Variants in KIF6 observed in about 807,000 individuals in gnomAD.
KIF6 encodes the protein kinesin family member 6, also known as kinesin-like protein KIF6.
KIF6 carries 106 observed loss-of-function variants against 112.7 expected under a neutral mutation model. That is an observed-to-expected ratio of 0.94 (90% CI 0.80 to 1.11). The LOEUF (loss-of-function observed/expected upper bound fraction) is 1.11, where lower values mean the gene tolerates loss of function less well. Ranked by LOEUF, KIF6 falls within the 50% of genes least tolerant of loss-of-function variation. The probability of loss-of-function intolerance (pLI) is 0.00; values close to 1 mark genes in which losing one functional copy is unlikely to be tolerated. For missense variants in KIF6, 929 were observed against 964.0 expected, an observed-to-expected ratio of 0.96 and a Z score of 0.48; for synonymous variants, 339 against 339.9, an observed-to-expected ratio of 1.00 and a Z score of 0.03.
chr6:39,678,823 C>T (rs933182970), intron 3 of KIF6, among the ~76,000 whole-genome samples: 1 of 152,136 alleles, frequency 6.6e-6, no homozygotes, highest in South Asian at 2.1e-4. Context: ...TGAAACTATT[C>T]AAGCTTCTAT....
chr6:39,627,627 T>C (rs993576418), intron 5 of KIF6, among the ~76,000 whole-genome samples: 2 of 152,184 alleles, frequency 1.3e-5, no homozygotes, highest in Non-Finnish European at 2.9e-5. Flanking sequence ...GACTTAAATT[T>C]AACATTTGGT....
intron 3 of KIF6, among the ~76,000 whole-genome samples, chr6:39,704,662 T>G (rs1316595508): frequency 6.6e-6 from 1 of 152,076 alleles, no homozygotes; most frequent in East Asian, 1.9e-4. Flanking sequence ...ATGAAATAAC[T>G]TGCCCAAGGA....
At chr6:39,677,606 T>C (rs1787232888) in intron 3 of KIF6, among the ~76,000 whole-genome samples, 2 of 147,184 alleles carry the variant, frequency 1.4e-5, no homozygotes, top group South Asian at 4.3e-4. Context: ...TATGTATACA[T>C]GTGCCATGCT....
Position 39,331,599 on chromosome 6 carries a change from G to T in KIF6, c.*4933C>A, listed in dbSNP as rs1230059630. The T allele has an allele frequency of 6.6e-6, 1 of 152,074 alleles. No homozygotes were observed. The highest frequency in any genetic ancestry group is 1.5e-5 in the Non-Finnish European group (1 of 68,024). 9.4% of individuals were successfully genotyped at this position (152,074 alleles called of 1,614,324 possible). On this transcript the variant is annotated 3_prime_UTR_variant, in exon 23 of 23. Transcript: ENST00000287152. Reference sequence around the variant, plus strand: ...GGGGTTTCGCCATGTTGGCCAGGTTGGTCTCAAACTCCTGACCTCGTGATC... The same window carrying T: ...GGGGTTTCGCCATGTTGGCCAGGTTTGTCTCAAACTCCTGACCTCGTGATC...
chr6:39,545,493 A>C, intron 11 of KIF6, 90 bp downstream of exon 11: 1 of 802,152 alleles, frequency 1.2e-6, no homozygotes, highest in Middle Eastern at 2.3e-4. Flanking sequence ...GCTGGATCCT[A>C]ACCTTCCAAG....
At chr6:39,373,074 G>A (rs1766148967) in intron 16 of KIF6, among the ~76,000 whole-genome samples, 1 of 152,196 alleles carries the variant, frequency 6.6e-6, no homozygotes, top group Non-Finnish European at 1.5e-5. Flanking sequence ...AGGACAGATA[G>A]AGGGGCCAGC....
At chr6:39,501,870 A>C (rs1776153323) in intron 13 of KIF6, among the ~76,000 whole-genome samples, 1 of 152,176 alleles carries the variant, frequency 6.6e-6, no homozygotes, top group Non-Finnish European at 1.5e-5. Flanking sequence ...TGATATACCT[A>C]AAAGAGACAG....
intron 5 of KIF6, among the ~76,000 whole-genome samples, chr6:39,616,732 C>T (rs765852556): frequency 3.9e-5 from 6 of 152,214 alleles, no homozygotes; most frequent in Non-Finnish European, 7.3e-5. Flanking sequence ...CACCTATGTT[C>T]ATGCCTTTGC....
At chr6:39,450,082 C>T (rs529602773) in intron 13 of KIF6, among the ~76,000 whole-genome samples, 1 of 152,346 alleles carries the variant, frequency 6.6e-6, no homozygotes, top group African/African-American at 2.4e-5. Context: ...GGGGGCCAAA[C>T]AAAATGCCAC....
intron 3 of KIF6, among the ~76,000 whole-genome samples, chr6:39,667,947 T>C (rs1274390428): frequency 6.6e-6 from 1 of 152,148 alleles, no homozygotes. Flanking sequence ...GCCATCCCCT[T>C]GATGATGAGT....
intron 15 of KIF6, among the ~76,000 whole-genome samples, chr6:39,387,246 C>T (rs915247330): frequency 2.6e-5 from 4 of 152,184 alleles, no homozygotes; most frequent in Non-Finnish European, 5.9e-5. Context: ...ATGTGCCTGG[C>T]CTGTTTTCTG....
At chr6:39,387,163 G>A (rs572907838) in intron 15 of KIF6, among the ~76,000 whole-genome samples, 56 of 152,078 alleles carry the variant, frequency 3.7e-4, no homozygotes, top group African/African-American at 1.2e-3. Flanking sequence ...GTATGTATTC[G>A]AGCTATTCCA....
At chr6:39,356,735 C>A (rs1425624022) in intron 19 of KIF6, among the ~76,000 whole-genome samples, 1 of 152,152 alleles carries the variant, frequency 6.6e-6, no homozygotes, top group East Asian at 1.9e-4. Context: ...CGGTGCTACC[C>A]CCTGGGTTGT....
In KIF6 at chr6:39,442,421, A is replaced by G. The variant is rs1581866055; in HGVS notation, c.1646-11260T>C. On this transcript the variant is annotated intron_variant, in intron 13 of 22. Coordinates refer to ENST00000287152, the MANE Select transcript of KIF6 (RefSeq NM_145027.6). The stretch of plus-strand genomic sequence containing the variant: ...CTAACCTAGCATCTCTGGGGTTTCT[A>G]TTTTGTAAATGTTCTCATCCAGGAC... Among the ~76,000 whole-genome samples, 3 of 152,298 alleles carry G rather than the reference A, an allele frequency of 2.0e-5. No individual in the cohort carries two copies. In the South Asian group the frequency reaches 6.2e-4, roughly 32 times the overall value.
At chr6:39,499,753 C>G (rs1164862208) in intron 13 of KIF6, among the ~76,000 whole-genome samples, 1 of 152,168 alleles carries the variant, frequency 6.6e-6, no homozygotes, top group African/African-American at 2.4e-5. Context: ...AAATAAATCC[C>G]CACGTCTGTC....
intron 13 of KIF6, among the ~76,000 whole-genome samples, chr6:39,488,778 T>C (rs1283368186): frequency 2.0e-5 from 3 of 152,242 alleles, no homozygotes. Flanking sequence ...TTGGGCTTGT[T>C]TGGCAAATAT....
chr6:39,488,366 G>T (rs946016600), intron 13 of KIF6, among the ~76,000 whole-genome samples: 1 of 152,160 alleles, frequency 6.6e-6, no homozygotes, highest in Non-Finnish European at 1.5e-5. Context: ...TAGATAGTTT[G>T]CCCTGTGGTT....
intron 3 of KIF6, among the ~76,000 whole-genome samples, chr6:39,693,007 A>G (rs1788315656): frequency 6.6e-6 from 1 of 152,232 alleles, no homozygotes; most frequent in Non-Finnish European, 1.5e-5. Context: ...GGAAGAATGG[A>G]TTCACTTAGG....
chr6:39,481,861 G>A (rs140653905), intron 13 of KIF6, among the ~76,000 whole-genome samples: 2 of 152,144 alleles, frequency 1.3e-5, no homozygotes, highest in Admixed American at 6.5e-5. Context: ...TTCCAAGGCC[G>A]CTCCCTTCCC....
Sources: gnomAD v4.1 joint callset for allele counts (sites outside exome capture counted in the v4.1 genomes callset) on GRCh38, gnomAD v4.1.1 for gene constraint, MANE v1.5 for transcripts, NCBI Gene and HGNC (gene_info 2026-07-23, HGNC 2026-07-21) for gene names.